Variants in MARCHF1 observed in about 807,000 individuals in gnomAD.
MARCHF1 encodes the protein membrane associated ring-CH-type finger 1.
MARCHF1 carries 40 observed loss-of-function variants against 54.2 expected under a neutral mutation model. The ratio of observed to expected loss-of-function variants is 0.74; its 90% CI spans 0.57 to 0.96. The LOEUF is 0.96. MARCHF1 is among the 40% of genes least tolerant of loss of function. The pLI is 0.00. For synonymous variants in MARCHF1, 236 were observed against 236.3 expected, an observed-to-expected ratio of 1.00 and a Z score of 0.01; for missense variants, 586 against 656.5, an observed-to-expected ratio of 0.89 and a Z score of 1.17.
chr4:164,140,310 A>G (rs1756500194), intron 1 of MARCHF1, among the ~76,000 whole-genome samples: 1 of 151,816 alleles, frequency 6.6e-6, no homozygotes, highest in Non-Finnish European at 1.5e-5. Flanking sequence ...TTTCTTTTGA[A>G]TAAACAAAAA....
At chr4:163,710,020 A>G (rs1745061009) in intron 4 of MARCHF1, among the ~76,000 whole-genome samples, 2 of 152,192 alleles carry the variant, frequency 1.3e-5, no homozygotes, top group Admixed American at 1.3e-4. Flanking sequence ...AGAATTTTCT[A>G]CAAACACTCC....
intron 3 of MARCHF1, among the ~76,000 whole-genome samples, chr4:163,891,633 T>A (rs1426911507): frequency 1.3e-5 from 2 of 152,144 alleles, no homozygotes; most frequent in Non-Finnish European, 2.9e-5. Flanking sequence ...CATCATAGAC[T>A]TCACTGTGCC....
chr4:163,698,208 A>C (rs1722707195), intron 5 of MARCHF1, among the ~76,000 whole-genome samples: 1 of 152,194 alleles, frequency 6.6e-6, no homozygotes, highest in African/African-American at 2.4e-5. Context: ...ATAAGCAGTT[A>C]TTTTGACAAA....
At position 163,705,103 on chromosome 4, in the gene MARCHF1, T is replaced by C. The variant is rs564950889; in HGVS notation, c.112-4240A>G. ...TCAAGAAAAAGAGAAAAACATAAGA[T>C]AGTTAATCAAGGAAATATTCAAAAA... On this transcript the variant is annotated intron_variant, in intron 4 of 9. Transcript: ENST00000514618. Among the ~76,000 whole-genome samples, 8 of 151,758 alleles carry C rather than the reference T, an allele frequency of 5.3e-5. No homozygotes were observed. In the South Asian group the frequency reaches 1.2e-3, roughly 24 times the overall value.
chr4:163,672,462 T>A (rs1016463017), intron 5 of MARCHF1, among the ~76,000 whole-genome samples: 3 of 152,260 alleles, frequency 2.0e-5, no homozygotes, highest in African/African-American at 7.2e-5. Context: ...ATTTCCTTGT[T>A]AAAAATAAGT....
At chr4:163,904,984 T>C (rs1751032868) in intron 3 of MARCHF1, among the ~76,000 whole-genome samples, 1 of 152,110 alleles carries the variant, frequency 6.6e-6, no homozygotes, top group Admixed American at 6.6e-5. Flanking sequence ...CTGTTGTGAT[T>C]ATGCTGCATT....
intron 3 of MARCHF1, among the ~76,000 whole-genome samples, chr4:163,859,520 C>T (rs1749864410): frequency 6.6e-6 from 1 of 152,018 alleles, no homozygotes; most frequent in Admixed American, 6.6e-5. Context: ...CCACCACACC[C>T]GGGTAATTTT....
chr4:163,965,683 A>C (rs1165793882), intron 3 of MARCHF1, among the ~76,000 whole-genome samples: 1 of 152,096 alleles, frequency 6.6e-6, no homozygotes. Flanking sequence ...TTATATCTGC[A>C]CTGTCTGAGA....
chr4:163,689,695 T>A (rs965353989), intron 5 of MARCHF1, among the ~76,000 whole-genome samples: 2 of 152,140 alleles, frequency 1.3e-5, no homozygotes, highest in African/African-American at 4.8e-5. Context: ...AAATCCTTTT[T>A]CATCTTGACC....
At chr4:163,884,536 GT>G (rs1215595999) in intron 3 of MARCHF1, among the ~76,000 whole-genome samples, 9 of 152,050 alleles carry the variant, frequency 5.9e-5, no homozygotes, top group Admixed American at 3.3e-4. Flanking sequence ...CCTTCCCCTT[GT>G]TCCTAGTAAC....
chr4:163,901,972 A>G (rs1330589785), intron 3 of MARCHF1, among the ~76,000 whole-genome samples: 1 of 152,206 alleles, frequency 6.6e-6, no homozygotes, highest in Non-Finnish European at 1.5e-5. Flanking sequence ...TTTAAGTACG[A>G]AACTCTGCTC....
intron 5 of MARCHF1, among the ~76,000 whole-genome samples, chr4:163,656,336 C>T (rs577970034): frequency 3.9e-5 from 6 of 151,950 alleles, no homozygotes; most frequent in African/African-American, 9.7e-5. Flanking sequence ...GACACATATA[C>T]CCTTCCAAGA....
chr4:163,961,631 G>A (rs1249033143), intron 3 of MARCHF1, among the ~76,000 whole-genome samples: 1 of 151,838 alleles, frequency 6.6e-6, no homozygotes, highest in Non-Finnish European at 1.5e-5. Context: ...TGATCAAAGG[G>A]ACACTCAACT....
intron 2 of MARCHF1, among the ~76,000 whole-genome samples, chr4:164,100,461 A>G (rs973192598): frequency 8.5e-5 from 13 of 152,234 alleles, no homozygotes; most frequent in African/African-American, 2.9e-4. Context: ...AATCCTGCAC[A>G]CAGGTACTTC....
chr4:164,188,615 G>A (rs753362571), intron 1 of MARCHF1: 101 of 948,950 alleles, frequency 1.1e-4, no homozygotes, highest in Non-Finnish European at 1.5e-4. Flanking sequence ...CGGCGATGCC[G>A]CCACGAACCA....
At chr4:164,197,947 A>G (rs1034957709) in intron 1 of MARCHF1, among the ~76,000 whole-genome samples, 2 of 152,172 alleles carry the variant, frequency 1.3e-5, no homozygotes, top group Admixed American at 1.3e-4. Context: ...GTGACTAAAG[A>G]AAATCTTATC....
intron 3 of MARCHF1, among the ~76,000 whole-genome samples, chr4:163,949,466 C>T (rs1752088804): frequency 6.6e-6 from 1 of 152,218 alleles, no homozygotes; most frequent in South Asian, 2.1e-4. Context: ...TCGTCATCCA[C>T]AATGTGGTGA....
chr4:164,010,909 C>T (rs1753407028), intron 2 of MARCHF1, among the ~76,000 whole-genome samples: 2 of 152,132 alleles, frequency 1.3e-5, no homozygotes. Context: ...GGCATAAAAA[C>T]AGACACATAG....
At chr4:163,752,654 T>C (rs767806186) in intron 4 of MARCHF1, among the ~76,000 whole-genome samples, 16 of 152,222 alleles carry the variant, frequency 1.1e-4, no homozygotes, top group Admixed American at 1.0e-3. Context: ...TAATTACTCC[T>C]AGAATTTTCT....
Sources: allele counts gnomAD v4.1 joint callset (sites outside exome capture counted in the v4.1 genomes callset), GRCh38; gene constraint gnomAD v4.1.1; transcripts MANE v1.5; gene names NCBI Gene and HGNC (gene_info 2026-07-23, HGNC 2026-07-21).